NSD2: variants seen among roughly 807,000 people sequenced by gnomAD.
NSD2 encodes nuclear receptor binding SET domain protein 2.
In NSD2, 12 loss-of-function variants were observed where a neutral mutation model predicts 139.0. That is an observed-to-expected ratio of 0.09 (90% CI 0.06 to 0.14). NSD2 has a LOEUF of 0.14. Ranked by LOEUF, NSD2 falls within the 10% of genes least tolerant of loss-of-function variation. The probability of loss-of-function intolerance (pLI) is 1.00; values close to 1 mark genes in which losing one functional copy is unlikely to be tolerated. For missense variants in NSD2, 1,155 were observed against 1,745.0 expected (o/e 0.66, Z 6.02); for synonymous variants, 669 against 648.7 (o/e 1.03, Z -0.48).
intron 5 of NSD2, chr4:1,919,044 C>CA (rs1398779457): frequency 1.2e-5 from 2 of 169,304 alleles, no homozygotes; most frequent in South Asian, 1.5e-4. Context: ...GAGACTGAGA[C>CA]AGGAGGATCC....
At position 1,943,180 on chromosome 4, in the gene NSD2, A is replaced by G. The variant is rs1723275565; in HGVS notation, c.1881+3402A>G. On this transcript the variant is annotated intron_variant, in intron 9 of 21. Coordinates refer to ENST00000508803, the MANE Select transcript of NSD2 (RefSeq NM_001042424.3). ...CCAGGTGTCCGCATTTTTGCATGGTAAGGAAAAGGCTTACTTGCCCTTCAG... is the reference window on the plus strand; with the variant it reads ...CCAGGTGTCCGCATTTTTGCATGGTGAGGAAAAGGCTTACTTGCCCTTCAG... The G allele has an allele frequency of 7.7e-6, 8 of 1,041,222 alleles. No individual in the cohort carries two copies. The South Asian group carries it at 2.8e-4, about 36-fold the overall frequency. 64.5% of individuals were successfully genotyped at this position (1,041,222 alleles called of 1,614,324 possible).
chr4:1,911,587 C>CAAAAAAAAAAAAAAAAAAAAAAA (rs372660600), intron 3 of NSD2, among the ~76,000 whole-genome samples: 2 of 42,070 alleles, frequency 4.8e-5, no homozygotes, highest in Non-Finnish European at 9.2e-5. Flanking sequence ...GACGCCATCT[C>CAAAAAAAAAAAAAAAAAAAAAAA]AAAAAAAAAA....
At chr4:1,910,283 T>C (rs1718495435) in intron 3 of NSD2, among the ~76,000 whole-genome samples, 1 of 151,684 alleles carries the variant, frequency 6.6e-6, no homozygotes, top group East Asian at 1.9e-4. Context: ...TGGAGTGCAG[T>C]GTCACAATCT....
intron 5 of NSD2, among the ~76,000 whole-genome samples, chr4:1,920,348 G>C (rs1041760185): frequency 6.6e-6 from 1 of 152,076 alleles, no homozygotes; most frequent in Admixed American, 6.6e-5. Flanking sequence ...TACTCAGGAG[G>C]CTGAGGCAGG....
intron 1 of NSD2, among the ~76,000 whole-genome samples, chr4:1,882,472 G>GCT (rs1217866259): frequency 6.6e-5 from 10 of 152,140 alleles, no homozygotes; most frequent in African/African-American, 2.4e-4. Flanking sequence ...GACCATCCTG[G>GCT]CTAACACGGT....
In NSD2 at chr4:1,942,919, A is replaced by C. The variant is rs1723247084; in HGVS notation, c.1881+3141A>C. 9.5e-7 allele frequency: 1 copy of C among 1,057,092 alleles called. No homozygotes were observed. The highest frequency in any genetic ancestry group is 4.6e-5 in the South Asian group (1 of 21,916). 65.5% of individuals were successfully genotyped at this position (1,057,092 alleles called of 1,614,324 possible). A position where few individuals can be genotyped will look rare whatever the true frequency, so the allele number is the denominator to read the frequency against. On this transcript the variant is annotated intron_variant, in intron 9 of 21. Coordinates refer to ENST00000508803, the MANE Select transcript of NSD2 (RefSeq NM_001042424.3). This position sits in a 1 kb window ranked among gnomAD's most constrained non-coding sequence, Gnocchi z 4.0. ...AACATAAGAGGCAGGAAGAGTTTTG[A>C]TTCTATCCTTTTTTACTAAACAGTT...
intron 3 of NSD2, among the ~76,000 whole-genome samples, chr4:1,914,977 A>T (rs1193639423): frequency 1.3e-5 from 2 of 151,850 alleles, no homozygotes; most frequent in Non-Finnish European, 2.9e-5. Context: ...AAAGCCTATT[A>T]TTTGGGTATC....
intron 1 of NSD2, among the ~76,000 whole-genome samples, chr4:1,877,092 A>G (rs1396670381): frequency 3.3e-5 from 5 of 152,106 alleles, no homozygotes; most frequent in African/African-American, 4.8e-5. Flanking sequence ...AGCCGAGATC[A>G]TGCTACTGCA....
In NSD2 at chr4:1,951,509, CACACACACACACACAA is replaced by C. The variant is rs1560746202; in HGVS notation, c.2013+308_2013+323del. On this transcript the variant is annotated intron_variant, in intron 10 of 21. Transcript: ENST00000508803. Reference sequence around the variant, plus strand: ...ACACACACACACACACACACACACACACACACACACACACAAAGTTCCTGTTGGAAAAGGTGAGGTG... The same window carrying C: ...ACACACACACACACACACACACACACAGTTCCTGTTGGAAAAGGTGAGGTG... 1.2e-3 allele frequency among the ~76,000 whole-genome samples: 154 copies of C among 126,408 alleles called. 1 individual carries two copies. The highest frequency in any genetic ancestry group is 2.3e-3 in the Admixed American group (27 of 11,950). The allele number at this position is 126,408 out of a possible 152,430, so 82.9% of individuals were successfully genotyped here. A position where few individuals can be genotyped will look rare whatever the true frequency, so the allele number is the denominator to read the frequency against.
chr4:1,905,304 G>A (rs536357869), intron 3 of NSD2, among the ~76,000 whole-genome samples: 3 of 152,244 alleles, frequency 2.0e-5, no homozygotes, highest in African/African-American at 7.2e-5. Context: ...TGGCGAGTGC[G>A]GAGTTAGAAC....
intron 17 of NSD2, among the ~76,000 whole-genome samples, chr4:1,960,588 A>C (rs983616954): frequency 4.6e-5 from 7 of 152,244 alleles, no homozygotes; most frequent in Admixed American, 6.5e-5. Flanking sequence ...TGCCAGTTCC[A>C]GCAACAGCAC....
chr4:1,917,571 GAATTACAGGTGC>G (rs545003405), intron 4 of NSD2, among the ~76,000 whole-genome samples: 71 of 152,152 alleles, frequency 4.7e-4, no homozygotes, highest in African/African-American at 1.6e-3. Context: ...CAAGTAGCTG[GAATTACAGGTGC>G]CTGCCACCAC....
intron 3 of NSD2, among the ~76,000 whole-genome samples, chr4:1,916,260 C>T (rs1180547630): frequency 6.6e-6 from 1 of 152,204 alleles, no homozygotes; most frequent in Non-Finnish European, 1.5e-5. Context: ...TGCACATGTC[C>T]TCTTGTCTTA....
chr4:1,943,381 C>T (rs1330213899), intron 9 of NSD2: 10 of 1,042,012 alleles, frequency 9.6e-6, no homozygotes, highest in South Asian at 4.6e-5. Flanking sequence ...GCCAGGACTC[C>T]GTGGTTTCCT....
Position 1,955,372 on chromosome 4 carries a change from CCT to C in NSD2, c.2518+36_2518+37del, listed in dbSNP as rs1394809030. ...GGCCTGGGGGTGTCTGCGGCACACG[CCT>C]CTCACACTCCCAGGAGCCACATATC... On this transcript the variant is annotated intron_variant, in intron 13 of 21. Coordinates refer to ENST00000508803, the MANE Select transcript of NSD2 (RefSeq NM_001042424.3). The surrounding 1 kb of genome is among the most constrained non-coding windows in gnomAD (Gnocchi z 4.7). 23 of 1,584,672 alleles carry C rather than the reference CCT, an allele frequency of 1.5e-5. No individual in the cohort carries two copies. The highest frequency in any genetic ancestry group is 1.7e-5 in the Non-Finnish European group (20 of 1,161,834).
At chr4:1,926,045 CT>C (rs1720868089) in intron 5 of NSD2, among the ~76,000 whole-genome samples, 1 of 152,074 alleles carries the variant, frequency 6.6e-6, no homozygotes, top group Non-Finnish European at 1.5e-5. Flanking sequence ...TTAAGCGATC[CT>C]CCTACCTCAG....
At position 1,955,879 on chromosome 4, in the gene NSD2, G is replaced by A. The variant is rs755875832; in HGVS notation, c.2675+30G>A. The A allele has an allele frequency of 1.9e-6, 3 of 1,611,104 alleles. No homozygotes were observed. The highest frequency in any genetic ancestry group is 2.2e-5 in the East Asian group (1 of 44,818). On this transcript the variant is annotated intron_variant, in intron 14 of 21. Coordinates refer to ENST00000508803, the MANE Select transcript of NSD2 (RefSeq NM_001042424.3). The surrounding 1 kb of genome is among the most constrained non-coding windows in gnomAD (Gnocchi z 4.7). ...GAGACATAGAATCGTATGCTTTTAT[G>A]TCTTTTCTGTTCACATGTGTTCGCT...
chr4:1,931,590 G>A (rs1721640236), intron 6 of NSD2, among the ~76,000 whole-genome samples: 1 of 152,086 alleles, frequency 6.6e-6, no homozygotes, highest in African/African-American at 2.4e-5. Flanking sequence ...CAAACATAAA[G>A]TGTTTCAAGA....
At chr4:1,882,380 T>C (rs932172175) in intron 1 of NSD2, among the ~76,000 whole-genome samples, 4 of 152,144 alleles carry the variant, frequency 2.6e-5, no homozygotes, top group African/African-American at 9.7e-5. Context: ...AAAGAAAACT[T>C]TGGGCTGGGC....
Sources: gnomAD v4.1 joint callset for allele counts (sites outside exome capture counted in the v4.1 genomes callset) on GRCh38, gnomAD v4.1.1 for gene constraint, Gnocchi (gnomAD v3.1) non-coding constraint, MANE v1.5 for transcripts, NCBI Gene and HGNC (gene_info 2026-07-23, HGNC 2026-07-21) for gene names.